Variants in EIF4E observed in about 807,000 individuals in gnomAD.
EIF4E encodes the protein eIF-4F 25 kDa subunit.
For synonymous variants in EIF4E, 71 were observed against 88.5 expected, an observed-to-expected ratio of 0.80 and a Z score of 1.11; for missense variants, 113 against 265.6, an observed-to-expected ratio of 0.43 and a Z score of 3.99.
chr4:98,886,160 A>C (rs1723911738), intron 5 of EIF4E, among the ~76,000 whole-genome samples: 1 of 152,094 alleles, frequency 6.6e-6, no homozygotes. Context: ...AAAAAAGCAA[A>C]ATAGTCACTT....
At chr4:98,882,396 C>CA (rs33922454) in intron 6 of EIF4E, among the ~76,000 whole-genome samples, 403 of 84,932 alleles carry the variant, frequency 4.7e-3, no homozygotes, top group Middle Eastern at 0.019. Context: ...GACTCCGTCT[C>CA]AAAAAAAAAA....
At chr4:98,928,493 T>C (rs1225145337) in intron 1 of EIF4E, among the ~76,000 whole-genome samples, 1 of 151,384 alleles carries the variant, frequency 6.6e-6, no homozygotes, top group Non-Finnish European at 1.5e-5. Flanking sequence ...CCCTCTCAAC[T>C]CCCCTAAGCG....
At chr4:98,890,055 G>A (rs1724085513) in intron 3 of EIF4E, among the ~76,000 whole-genome samples, 1 of 152,112 alleles carries the variant, frequency 6.6e-6, no homozygotes, top group African/African-American at 2.4e-5. Context: ...TCAAATGAAT[G>A]TTCTCAAATA....
At position 98,887,821 on chromosome 4, in the gene EIF4E, A is replaced by G. The variant is rs1723986594; in HGVS notation, c.285+68T>C. On this transcript the variant is annotated intron_variant, in intron 4 of 6. Transcript: ENST00000450253. The surrounding 1 kb of genome is among the most constrained non-coding windows in gnomAD (Gnocchi z 4.0). The stretch of plus-strand genomic sequence containing the variant: ...ATCAAATATTCCTAAGTTTATGGTA[A>G]GATTTCTTAATGAATACCAAATGGC... The G allele has an allele frequency of 2.1e-6, 3 of 1,405,844 alleles. No individual in the cohort carries two copies. Among genetic ancestry groups the G allele is most frequent in the Non-Finnish European group, 3.0e-6 (3 of 1,001,968 alleles). 87.1% of individuals were successfully genotyped at this position (1,405,844 alleles called of 1,614,324 possible).
chr4:98,896,806 A>C (rs1174476148), intron 2 of EIF4E, among the ~76,000 whole-genome samples: 1 of 151,842 alleles, frequency 6.6e-6, no homozygotes, highest in Non-Finnish European at 1.5e-5. Context: ...CAAAACTCCA[A>C]CTCTACAAAA....
intron 6 of EIF4E, among the ~76,000 whole-genome samples, chr4:98,882,119 G>A (rs1269191302): frequency 3.9e-5 from 6 of 152,130 alleles, no homozygotes; most frequent in African/African-American, 2.4e-5. Flanking sequence ...TTGGCTGGGC[G>A]CGGTGGCTCA....
chr4:98,907,963 A>G (rs1445363257), intron 1 of EIF4E, among the ~76,000 whole-genome samples: 1 of 152,244 alleles, frequency 6.6e-6, no homozygotes, highest in Non-Finnish European at 1.5e-5. Context: ...ATACTGAACT[A>G]GACTTCAAAC....
chr4:98,895,966 G>C (rs936507800), intron 2 of EIF4E, among the ~76,000 whole-genome samples: 2 of 121,026 alleles, frequency 1.7e-5, no homozygotes, highest in East Asian at 1.9e-4. Context: ...GGGAGGCCAA[G>C]GTGGGTGGAT....
intron 6 of EIF4E, among the ~76,000 whole-genome samples, chr4:98,881,842 A>G (rs1723704618): frequency 6.6e-6 from 1 of 152,212 alleles, no homozygotes; most frequent in South Asian, 2.1e-4. Context: ...GGCACTTGTC[A>G]TGAGTGCCAA....
At chr4:98,914,677 T>C (rs565348533) in intron 1 of EIF4E, among the ~76,000 whole-genome samples, 1 of 152,230 alleles carries the variant, frequency 6.6e-6, no homozygotes, top group South Asian at 2.1e-4. Flanking sequence ...GTAAAATTAT[T>C]CTGCACGATA....
chr4:98,882,483 G>T (rs1415009037), intron 6 of EIF4E, among the ~76,000 whole-genome samples: 1 of 151,050 alleles, frequency 6.6e-6, no homozygotes, highest in East Asian at 1.9e-4. Context: ...AAAAATAAAG[G>T]AATAAAGATA....
chr4:98,892,802 T>C (rs950449309), intron 2 of EIF4E, among the ~76,000 whole-genome samples: 5 of 152,202 alleles, frequency 3.3e-5, no homozygotes, highest in Non-Finnish European at 5.9e-5. Flanking sequence ...TGATTCTATA[T>C]TTAATCAAAT....
At chr4:98,927,106 A>C (rs1414385138) in intron 1 of EIF4E, among the ~76,000 whole-genome samples, 1 of 152,218 alleles carries the variant, frequency 6.6e-6, no homozygotes, top group Non-Finnish European at 1.5e-5. Context: ...TTTAAAATGT[A>C]TATTTTACAT....
At chr4:98,883,636 C>G (rs1723794683) in intron 6 of EIF4E, among the ~76,000 whole-genome samples, 2 of 151,814 alleles carry the variant, frequency 1.3e-5, no homozygotes, top group Admixed American at 1.3e-4. Flanking sequence ...ATCTCCTGAC[C>G]TTGTGATCCA....
intron 1 of EIF4E, among the ~76,000 whole-genome samples, chr4:98,903,153 T>C (rs775190501): frequency 3.3e-5 from 5 of 152,138 alleles, no homozygotes; most frequent in African/African-American, 4.8e-5. Context: ...TCATAAATTG[T>C]TGTCAACAAA....
intron 1 of EIF4E, among the ~76,000 whole-genome samples, chr4:98,906,187 T>A (rs1308445716): frequency 6.6e-6 from 1 of 152,220 alleles, no homozygotes; most frequent in Non-Finnish European, 1.5e-5. Flanking sequence ...TCAACAAATA[T>A]CTACTTACTC....
rs1725841856 is a variant in EIF4E at position 98,925,837 on chromosome 4, T to TCTCAA, written c.18+3253_18+3257dup. The TCTCAA allele has an allele frequency of 1.3e-5, 2 of 151,934 alleles. 1 individual carries two copies. Among genetic ancestry groups the TCTCAA allele is most frequent in the South Asian group, 4.2e-4 (2 of 4,810 alleles). 9.4% of individuals were successfully genotyped at this position (151,934 alleles called of 1,614,324 possible). Reference sequence around the variant, plus strand: ...ATTTTTGCAGCCTTCAGCAGGGGTATCTCAAGTACAATCCAATTCTAATCA... The same window carrying TCTCAA: ...ATTTTTGCAGCCTTCAGCAGGGGTATCTCAACTCAAGTACAATCCAATTCTAATCA... On this transcript the variant is annotated intron_variant, in intron 1 of 6. Transcript: ENST00000450253.
At chr4:98,914,758 CTAATGT>C in intron 1 of EIF4E, among the ~76,000 whole-genome samples, 1 of 152,174 alleles carries the variant, frequency 6.6e-6, no homozygotes, top group African/African-American at 2.4e-5. Context: ...GGAGTGAACC[CTAATGT>C]AAAGTATGAA....
rs530392103 is a variant in EIF4E, at chr4:98,887,281, T to A, written c.286-89A>T. The A allele has an allele frequency of 2.3e-6, 3 of 1,325,192 alleles. No homozygotes were observed. The highest frequency in any genetic ancestry group is 2.3e-5 in the East Asian group (1 of 43,064). 82.1% of individuals were successfully genotyped at this position (1,325,192 alleles called of 1,614,324 possible). A position where few individuals can be genotyped will look rare whatever the true frequency, so the allele number is the denominator to read the frequency against. ...TAGAAACAGTTAAGCAACAACACTG[T>A]CAACTTCTTACTTTATTGCCCATAA... is the stretch of plus-strand genomic sequence containing the variant. On this transcript the variant is annotated intron_variant, in intron 4 of 6. Coordinates refer to ENST00000450253, the MANE Select transcript of EIF4E (RefSeq NM_001968.5). The surrounding 1 kb of genome is among the most constrained non-coding windows in gnomAD (Gnocchi z 4.0).
Sources: gnomAD v4.1 joint callset for allele counts (sites outside exome capture counted in the v4.1 genomes callset) on GRCh38, gnomAD v4.1.1 for gene constraint, Gnocchi (gnomAD v3.1) non-coding constraint, MANE v1.5 for transcripts, NCBI Gene and HGNC (gene_info 2026-07-23, HGNC 2026-07-21) for gene names.